Variants in SLC25A26 observed in about 807,000 individuals in gnomAD.
SLC25A26 encodes mitochondrial S-adenosylmethionine carrier protein.
Under a neutral mutation model 37.8 loss-of-function variants are expected in SLC25A26, and 36 were observed. The observed-to-expected ratio is 0.95, with a 90% CI of 0.73 to 1.26. The LOEUF (loss-of-function observed/expected upper bound fraction) is 1.26. Among genes scored for constraint, SLC25A26 ranks in the 50% most tolerant of loss-of-function variants. The pLI is 0.00. For synonymous variants in SLC25A26, 129 were observed against 122.5 expected (o/e 1.05, Z -0.35); for missense variants, 390 against 331.1 (o/e 1.18, Z -1.38).
At chr3:66,313,307 G>A (rs915674296) in intron 5 of SLC25A26, among the ~76,000 whole-genome samples, 3 of 152,110 alleles carry the variant, frequency 2.0e-5, no homozygotes, top group Non-Finnish European at 4.4e-5. Context: ...TTTTATATAA[G>A]GAAGGGGTCT....
At chr3:66,297,998 A>C (rs1251776462) in intron 5 of SLC25A26, among the ~76,000 whole-genome samples, 3 of 152,234 alleles carry the variant, frequency 2.0e-5, no homozygotes, top group Non-Finnish European at 4.4e-5. Flanking sequence ...TGAGTAGATC[A>C]TTGGTTCCCA....
intron 5 of SLC25A26, among the ~76,000 whole-genome samples, chr3:66,290,252 A>G (rs539655495): frequency 2.6e-5 from 4 of 152,262 alleles, no homozygotes; most frequent in South Asian, 2.1e-4. Flanking sequence ...CAATTATGTC[A>G]TCTGCAAACA....
At chr3:66,277,542 T>G (rs2074197667) in intron 5 of SLC25A26, among the ~76,000 whole-genome samples, 1 of 152,156 alleles carries the variant, frequency 6.6e-6, no homozygotes, top group African/African-American at 2.4e-5. Flanking sequence ...GATGTGTTAA[T>G]TAATTTGATT....
intron 5 of SLC25A26, among the ~76,000 whole-genome samples, chr3:66,320,011 G>A (rs967443801): frequency 2.0e-5 from 3 of 151,994 alleles, no homozygotes; most frequent in African/African-American, 7.3e-5. Context: ...CTCCCAAAGT[G>A]CTGGAAAGCA....
At chr3:66,334,468 C>G (rs2076049458) in intron 5 of SLC25A26, among the ~76,000 whole-genome samples, 1 of 152,092 alleles carries the variant, frequency 6.6e-6, no homozygotes. Flanking sequence ...ATGTGTGCCA[C>G]CATGCCTGGC....
chr3:66,197,690 C>T (rs936168185), intron 1 of SLC25A26, among the ~76,000 whole-genome samples: 12 of 151,922 alleles, frequency 7.9e-5, no homozygotes, highest in East Asian at 5.8e-4. Flanking sequence ...GGTGAGTTTG[C>T]GTGTCAGGTT....
intron 1 of SLC25A26, among the ~76,000 whole-genome samples, chr3:66,194,761 C>G (rs1377220549): frequency 4.6e-5 from 7 of 152,200 alleles, no homozygotes; most frequent in Non-Finnish European, 7.3e-5. Flanking sequence ...GCCACCACGC[C>G]CAGCTAATTT....
chr3:66,227,375 GTT>G (rs1195472276), intron 1 of SLC25A26, among the ~76,000 whole-genome samples: 2 of 151,990 alleles, frequency 1.3e-5, no homozygotes, highest in Non-Finnish European at 2.9e-5. Flanking sequence ...TTGTTCATCA[GTT>G]TTCTGTCTAT....
chr3:66,290,817 T>A (rs972295221), intron 5 of SLC25A26, among the ~76,000 whole-genome samples: 3 of 152,240 alleles, frequency 2.0e-5, no homozygotes, highest in Admixed American at 2.0e-4. Flanking sequence ...ATCAGGATGA[T>A]GTTGGCCTCA....
chr3:66,281,063 C>T (rs2074319041), intron 5 of SLC25A26, among the ~76,000 whole-genome samples: 1 of 152,174 alleles, frequency 6.6e-6, no homozygotes, highest in Non-Finnish European at 1.5e-5. Flanking sequence ...GGGTCCCCAA[C>T]CTTTTTTATT....
intron 1 of SLC25A26, among the ~76,000 whole-genome samples, chr3:66,223,828 A>G (rs2071611224): frequency 6.6e-6 from 1 of 152,232 alleles, no homozygotes; most frequent in Non-Finnish European, 1.5e-5. Flanking sequence ...TGGGGTATCC[A>G]GAAACAAAAT....
At chr3:66,295,049 A>G (rs2074851362) in intron 5 of SLC25A26, among the ~76,000 whole-genome samples, 1 of 152,252 alleles carries the variant, frequency 6.6e-6, no homozygotes, top group African/African-American at 2.4e-5. Context: ...GGTTGGATAC[A>G]GAATAAAAAA....
rs73129917 is a variant in SLC25A26, at chr3:66,276,361, G to C, written c.453+12982G>C. On this transcript the variant is annotated intron_variant, in intron 5 of 9. Coordinates refer to ENST00000354883, the MANE Select transcript of SLC25A26 (RefSeq NM_001379210.1). The stretch of plus-strand genomic sequence containing the variant: ...ACACTTTGCTTCCTGTTTGTGTCTT[G>C]CAGATAAATTCACTGATAGAATTTT... 2.5e-3 allele frequency among the ~76,000 whole-genome samples: 381 copies of C among 152,152 alleles called. 2 individuals are homozygous for C. Among genetic ancestry groups the C allele is most frequent in the Non-Finnish European group, 4.4e-3 (296 of 67,960 alleles).
chr3:66,232,083 G>A (rs535345488), intron 1 of SLC25A26, among the ~76,000 whole-genome samples: 1 of 152,156 alleles, frequency 6.6e-6, no homozygotes, highest in South Asian at 2.1e-4. Flanking sequence ...GTATATTTGT[G>A]CATTTATTTC....
chr3:66,346,616 A>G (rs1347053265), intron 6 of SLC25A26, among the ~76,000 whole-genome samples: 8 of 152,150 alleles, frequency 5.3e-5, no homozygotes, highest in Non-Finnish European at 4.4e-5. Flanking sequence ...TAGGCATAGC[A>G]GGTGGCACTG....
At chr3:66,283,440 C>A (rs2074411120) in intron 5 of SLC25A26, among the ~76,000 whole-genome samples, 1 of 152,108 alleles carries the variant, frequency 6.6e-6, no homozygotes, top group Non-Finnish European at 1.5e-5. Flanking sequence ...ACCACCATAC[C>A]TGGCTAATTT....
At chr3:66,362,613 G>A (rs992029401) in intron 6 of SLC25A26, among the ~76,000 whole-genome samples, 2 of 152,134 alleles carry the variant, frequency 1.3e-5, no homozygotes, top group South Asian at 2.1e-4. Flanking sequence ...TTTTGTGTGC[G>A]TGCACACACA....
chr3:66,157,097 T>C (rs2070294275), intron 1 of SLC25A26, among the ~76,000 whole-genome samples: 1 of 151,964 alleles, frequency 6.6e-6, no homozygotes, highest in African/African-American at 2.4e-5. Flanking sequence ...TAGCCAAGTG[T>C]GGTGGCATAC....
chr3:66,234,012 C>T (rs2072155555), intron 1 of SLC25A26, among the ~76,000 whole-genome samples: 5 of 152,148 alleles, frequency 3.3e-5, no homozygotes. Context: ...AATCTAGTCG[C>T]ACGAGACATT....
Sources: gnomAD v4.1 joint callset for allele counts (sites outside exome capture counted in the v4.1 genomes callset) on GRCh38, gnomAD v4.1.1 for gene constraint, MANE v1.5 for transcripts, NCBI Gene and HGNC (gene_info 2026-07-23, HGNC 2026-07-21) for gene names.